The following TMPRSS11B variants were observed in gnomAD, a reference collection of about 807,000 sequenced individuals.
TMPRSS11B encodes the protein transmembrane protease serine 11B.
Under a neutral mutation model 44.7 loss-of-function variants are expected in TMPRSS11B, and 53 were observed. The ratio of observed to expected loss-of-function variants is 1.19; its 90% CI spans 0.95 to 1.49. The LOEUF is 1.49. Among genes scored for constraint, TMPRSS11B ranks in the 40% most tolerant of loss-of-function variants. The probability of loss-of-function intolerance (pLI) is 0.00; values close to 1 mark genes in which losing one functional copy is unlikely to be tolerated. For missense variants in TMPRSS11B, 526 were observed against 494.8 expected, an observed-to-expected ratio of 1.06 and a Z score of -0.60; for synonymous variants, 140 against 159.2, an observed-to-expected ratio of 0.88 and a Z score of 0.91.
At chr4:68,232,968 C>T (rs1469452280) in intron 5 of TMPRSS11B, among the ~76,000 whole-genome samples, 1 of 150,516 alleles carries the variant, frequency 6.6e-6, no homozygotes, top group Non-Finnish European at 1.5e-5. Context: ...AAAAATGTCC[C>T]AATTAAAATT....
chr4:68,230,681 G>C (rs1464638462), intron 7 of TMPRSS11B, among the ~76,000 whole-genome samples: 3 of 151,966 alleles, frequency 2.0e-5, no homozygotes, highest in Non-Finnish European at 4.4e-5. Context: ...GTGCGTGCCT[G>C]TAATCCCAGC....
Position 68,237,701 on chromosome 4 carries a change from T to TA in TMPRSS11B, c.125-1436dup, listed in dbSNP as rs370888186. 5.6e-3 allele frequency among the ~76,000 whole-genome samples: 860 copies of TA among 152,284 alleles called. 7 individuals carry two copies. The highest frequency in any genetic ancestry group is 0.018 in the African/African-American group (737 of 41,550). ...CGTGATACATTAGGTCACCATAATTTAAAACAGGACAAGCCTCTTAAAAAT... is the reference window on the plus strand; with the variant it reads ...CGTGATACATTAGGTCACCATAATTTAAAAACAGGACAAGCCTCTTAAAAAT... On this transcript the variant is annotated intron_variant, in intron 2 of 9. Coordinates refer to ENST00000332644, the MANE Select transcript of TMPRSS11B (RefSeq NM_182502.3).
At chr4:68,238,652 G>A (rs1719739807) in intron 2 of TMPRSS11B, among the ~76,000 whole-genome samples, 1 of 151,882 alleles carries the variant, frequency 6.6e-6, no homozygotes, top group South Asian at 2.1e-4. Flanking sequence ...GCTTGAATCT[G>A]GGAGGCAGAG....
chr4:68,244,531 C>T (rs752295850), intron 1 of TMPRSS11B, among the ~76,000 whole-genome samples: 2 of 152,294 alleles, frequency 1.3e-5, no homozygotes, highest in Middle Eastern at 3.4e-3. Context: ...GAGGCTGAGG[C>T]ACGAGAATGG....
chr4:68,240,548 A>C (rs1025311973), intron 2 of TMPRSS11B, among the ~76,000 whole-genome samples: 1 of 152,138 alleles, frequency 6.6e-6, no homozygotes, highest in African/African-American at 2.4e-5. Context: ...GGGACCTGTT[A>C]AGATGCAAAC....
chr4:68,245,484 T>C, intron 1 of TMPRSS11B, 67 bp downstream of exon 1: 8 of 1,544,268 alleles, frequency 5.2e-6, no homozygotes, highest in Non-Finnish European at 7.2e-6. Context: ...AACAAAAAAC[T>C]AGAACATACT....
rs765197895 is a variant in TMPRSS11B, at chr4:68,228,888, A to T, written c.947-4T>A. 1 of 1,612,080 alleles carries T rather than the reference A, an allele frequency of 6.2e-7. No individual in the cohort carries two copies. The highest frequency in any genetic ancestry group is 8.5e-7 in the Non-Finnish European group (1 of 1,179,186). On this transcript the variant is annotated splice_region_variant and splice_polypyrimidine_tract_variant and intron_variant, in intron 8 of 9. Transcript: ENST00000332644. ...TGAAGTATCACTGGAAATGAACCTA[A>T]AAGCAATAAGTGCTGCATATTATGC...
chr4:68,239,562 C>T (rs957558012), intron 2 of TMPRSS11B, among the ~76,000 whole-genome samples: 1 of 152,132 alleles, frequency 6.6e-6, no homozygotes, highest in African/African-American at 2.4e-5. Flanking sequence ...GAATGGAAAT[C>T]TATTCTATAT....
intron 4 of TMPRSS11B, among the ~76,000 whole-genome samples, chr4:68,235,439 C>T (rs1719631713): frequency 6.6e-6 from 1 of 152,024 alleles, no homozygotes; most frequent in African/African-American, 2.4e-5. Context: ...TGGGCTCTAC[C>T]CTCATTACTC....
chr4:68,231,854 G>C (rs923713421), intron 6 of TMPRSS11B: 1 of 155,006 alleles, frequency 6.5e-6, no homozygotes, highest in Non-Finnish European at 1.4e-5. Flanking sequence ...GCTCCTATAG[G>C]CCCAGCTACT....
intron 2 of TMPRSS11B, among the ~76,000 whole-genome samples, chr4:68,238,285 A>C (rs1300397133): frequency 1.3e-5 from 2 of 152,146 alleles, no homozygotes; most frequent in South Asian, 2.1e-4. Flanking sequence ...AATATATACA[A>C]AAGTCCAATG....
Position 68,227,920 on chromosome 4 carries a change from A to C in TMPRSS11B, c.1242T>G (p.Thr414=). 1 of 1,606,714 alleles carries C rather than the reference A, an allele frequency of 6.2e-7. No homozygotes were observed. Among genetic ancestry groups the C allele is most frequent in the Non-Finnish European group, 8.5e-7 (1 of 1,177,582 alleles). ...TSYRNWITSK[T]GL ...TATAATTCCTTTTTTTTCAGAGTCC[A>C]GTCTTGGATGTAATCCAATTGCGAT... Residue 414 remains threonine, a synonymous_variant, in exon 10 of 10, where the codon ACT becomes ACG. Coordinates refer to ENST00000332644, the MANE Select transcript of TMPRSS11B (RefSeq NM_182502.3).
intron 5 of TMPRSS11B, among the ~76,000 whole-genome samples, chr4:68,233,912 C>G (rs917835945): frequency 1.3e-5 from 2 of 151,934 alleles, no homozygotes; most frequent in African/African-American, 4.8e-5. Context: ...TGGCTCATGC[C>G]TGTAATCCCA....
intron 2 of TMPRSS11B, among the ~76,000 whole-genome samples, chr4:68,239,824 G>C (rs1441982546): frequency 6.6e-6 from 1 of 152,186 alleles, no homozygotes; most frequent in Non-Finnish European, 1.5e-5. Flanking sequence ...TAACCTAAGG[G>C]TAGGGCCTAG....
intron 2 of TMPRSS11B, among the ~76,000 whole-genome samples, chr4:68,237,098 C>T (rs1719692560): frequency 6.6e-6 from 1 of 152,114 alleles, no homozygotes; most frequent in Admixed American, 6.6e-5. Flanking sequence ...AGTGCCTCCA[C>T]CTCCCTGCCA....
At position 68,231,343 on chromosome 4, in the gene TMPRSS11B, G is replaced by T. The variant is rs1035699218; in HGVS notation, c.546C>A (p.Gly182=). 6.2e-7 allele frequency: 1 copy of T among 1,613,684 alleles called. No individual in the cohort carries two copies. The highest frequency in any genetic ancestry group is 1.3e-5 in the African/African-American group (1 of 74,894). Residue 182 remains glycine (G), a synonymous_variant, in exon 7 of 10, where the codon GGC becomes GGA. Coordinates refer to ENST00000332644, the MANE Select transcript of TMPRSS11B (RefSeq NM_182502.3). ...AGCTTTTTCCATTCACAATTTTGTT[G>T]CCAGTTATGATACTGTTGGCTACTT... The part of the protein sequence containing the change: ...GRQVANSIIT[G]NKIVNGKSSL...
In TMPRSS11B at chr4:68,241,795, T is replaced by C. The variant is rs1180742488; in HGVS notation, c.18A>G (p.Ile6Met). The change falls in exon 2 of 10, where the codon ATA becomes ATG. Residue 6 changes from isoleucine to methionine, a missense_variant. Physicochemically the swap from Ile to Met is conservative, Grantham distance 10. Coordinates refer to ENST00000332644, the MANE Select transcript of TMPRSS11B (RefSeq NM_182502.3). MYRHG[I>M]SSQRSWPLWT... ...ATAGTGGCCAAGATCTTTGGGAAGA[T>C]ATGCCGTGCCTATGAAAGAGGAAAA... 1.2e-6 allele frequency: 2 copies of C among 1,612,032 alleles called. No individual in the cohort carries two copies. The highest frequency in any genetic ancestry group is 1.1e-5 in the South Asian group (1 of 91,014).
At chr4:68,237,477 G>T (rs1274568077) in intron 2 of TMPRSS11B, among the ~76,000 whole-genome samples, 1 of 152,048 alleles carries the variant, frequency 6.6e-6, no homozygotes, top group African/African-American at 2.4e-5. Context: ...GGATTGCTGG[G>T]TCAAATGGTA....
At chr4:68,231,428 A>G (rs779283828) in intron 6 of TMPRSS11B, 48 bp from the exon 7 acceptor site, 11 of 1,340,912 alleles carry the variant, frequency 8.2e-6, no homozygotes, top group South Asian at 2.7e-5. Flanking sequence ...TTGATTACGC[A>G]TTATAAAAAA....
Sources: gnomAD v4.1 joint callset for allele counts (sites outside exome capture counted in the v4.1 genomes callset) on GRCh38, gnomAD v4.1.1 for gene constraint, MANE v1.5 for transcripts, NCBI Gene and HGNC (gene_info 2026-07-23, HGNC 2026-07-21) for gene names.